CCDC178: variants seen among roughly 807,000 people sequenced by gnomAD.
The protein encoded by CCDC178 is coiled-coil domain containing 178.
CCDC178 carries 126 observed loss-of-function variants against 117.4 expected under a neutral mutation model. The ratio of observed to expected loss-of-function variants is 1.07; its 90% confidence interval spans 0.93 to 1.24. The LOEUF is 1.24. CCDC178 is among the 50% of genes most tolerant of loss of function. The pLI is 0.00. For synonymous variants in CCDC178, 283 were observed against 313.4 expected, an observed-to-expected ratio of 0.90 and a Z score of 1.02; for missense variants, 1,030 against 986.9, an observed-to-expected ratio of 1.04 and a Z score of -0.59.
At chr18:33,065,702 A>C (rs2057001402) in intron 21 of CCDC178, among the ~76,000 whole-genome samples, 1 of 152,202 alleles carries the variant, frequency 6.6e-6, no homozygotes, top group Non-Finnish European at 1.5e-5. Flanking sequence ...AAAAGCAGCA[A>C]GTTACACATA....
chr18:32,996,187 C>T (rs1182306666), intron 21 of CCDC178, among the ~76,000 whole-genome samples: 3 of 151,564 alleles, frequency 2.0e-5, no homozygotes, highest in African/African-American at 7.3e-5. Context: ...ATATAAAATC[C>T]TGAGAACAGC....
At chr18:32,964,793 T>C (rs4584905) in intron 22 of CCDC178, among the ~76,000 whole-genome samples, 145,037 of 152,038 alleles carry the variant, frequency 0.95, 69,339 homozygotes, top group Non-Finnish European at 0.99. Flanking sequence ...AAATATCCCA[T>C]AGAAAGAGAG....
At chr18:33,169,169 A>C (rs2058568385) in intron 20 of CCDC178, among the ~76,000 whole-genome samples, 1 of 152,234 alleles carries the variant, frequency 6.6e-6, no homozygotes, top group Non-Finnish European at 1.5e-5. Flanking sequence ...TTAGTTATTC[A>C]AGTTTCTTTC....
intron 2 of CCDC178, among the ~76,000 whole-genome samples, chr18:33,438,652 C>A (rs2064327535): frequency 1.3e-5 from 2 of 151,916 alleles, no homozygotes; most frequent in South Asian, 2.1e-4. Context: ...TGTAGATGTA[C>A]TAATTTTCCA....
chr18:33,086,089 G>A (rs439946), intron 21 of CCDC178, among the ~76,000 whole-genome samples: 21,597 of 151,694 alleles, frequency 0.14, 2,386 homozygotes, highest in African/African-American at 0.31. Flanking sequence ...CATAAAAGGT[G>A]TATACAAAAA....
At chr18:33,295,687 T>G (rs1166203163) in intron 11 of CCDC178, among the ~76,000 whole-genome samples, 2 of 152,118 alleles carry the variant, frequency 1.3e-5, no homozygotes, top group Admixed American at 1.3e-4. Context: ...CATGAAAAGA[T>G]GTACATCACA....
At chr18:32,970,072 T>C (rs956389161) in intron 22 of CCDC178, among the ~76,000 whole-genome samples, 1 of 152,032 alleles carries the variant, frequency 6.6e-6, no homozygotes, top group Non-Finnish European at 1.5e-5. Context: ...AAGTTTATAG[T>C]AGCTCACTTT....
chr18:33,268,228 T>C (rs1257941466), intron 12 of CCDC178, among the ~76,000 whole-genome samples: 2 of 151,830 alleles, frequency 1.3e-5, no homozygotes, highest in African/African-American at 2.4e-5. Flanking sequence ...TGCTACCAGA[T>C]ACTAAAACAT....
intron 11 of CCDC178, among the ~76,000 whole-genome samples, chr18:33,309,399 CTAGA>C (rs1251846523): frequency 1.3e-4 from 20 of 152,088 alleles, no homozygotes; most frequent in African/African-American, 3.9e-4. Flanking sequence ...CAGAAGTACT[CTAGA>C]TAAACTATTA....
At chr18:33,080,563 C>T (rs1456101673) in intron 21 of CCDC178, among the ~76,000 whole-genome samples, 1 of 152,092 alleles carries the variant, frequency 6.6e-6, no homozygotes, top group Non-Finnish European at 1.5e-5. Flanking sequence ...AAGAATCAAT[C>T]CTGTTGACAC....
chr18:33,328,625 A>G (rs1478040260), intron 10 of CCDC178, among the ~76,000 whole-genome samples: 4 of 152,104 alleles, frequency 2.6e-5, no homozygotes, highest in Non-Finnish European at 5.9e-5. Context: ...CCGTAGATGT[A>G]TATGTTTATT....
intron 20 of CCDC178, among the ~76,000 whole-genome samples, chr18:33,156,480 T>C (rs1158996131): frequency 6.6e-6 from 1 of 151,518 alleles, no homozygotes; most frequent in East Asian, 1.9e-4. Context: ...ATAATAGGCA[T>C]TGTAAAAGGA....
Position 33,069,396 on chromosome 18 carries a change from T to C in CCDC178, c.2388+23365A>G, listed in dbSNP as rs1006318634. On this transcript the variant is annotated intron_variant, in intron 21 of 22. Coordinates refer to ENST00000383096, the MANE Select transcript of CCDC178 (RefSeq NM_001105528.4). ...TTCACATATTTATAGCCAACTGTTC[T>C]TTCAAAGTTGCCAGTAACATATAGT... Among the ~76,000 whole-genome samples, 5 of 152,090 alleles carry C rather than the reference T, an allele frequency of 3.3e-5. No homozygotes were observed. In the South Asian group the frequency reaches 1.0e-3, roughly 32 times the overall value.
intron 20 of CCDC178, among the ~76,000 whole-genome samples, chr18:33,185,079 T>C (rs1320978822): frequency 6.6e-6 from 1 of 151,990 alleles, no homozygotes; most frequent in Non-Finnish European, 1.5e-5. Context: ...CCATCTAATA[T>C]CTTTCAGGTG....
At chr18:33,193,141 T>C (rs1032751794) in intron 20 of CCDC178, among the ~76,000 whole-genome samples, 6 of 150,112 alleles carry the variant, frequency 4.0e-5, no homozygotes, top group African/African-American at 1.5e-4. Flanking sequence ...CAGGCGCCTG[T>C]AGTCGCAGCT....
chr18:33,394,744 C>T (rs902635334), intron 4 of CCDC178, among the ~76,000 whole-genome samples: 4 of 150,206 alleles, frequency 2.7e-5, no homozygotes, highest in African/African-American at 9.8e-5. Context: ...ACATTATCTC[C>T]CAAATTTGAG....
intron 22 of CCDC178, among the ~76,000 whole-genome samples, chr18:32,967,933 C>A (rs1351786605): frequency 6.6e-6 from 1 of 150,904 alleles, no homozygotes; most frequent in Non-Finnish European, 1.5e-5. Context: ...ATTTCAATAC[C>A]TGCATACACT....
In CCDC178 at chr18:33,179,078, A is replaced by AATATATAT. The variant is rs1555656270; in HGVS notation, c.2238+32810_2238+32817dup. On this transcript the variant is annotated intron_variant, in intron 20 of 22. Transcript: ENST00000383096. ...ACTCAGTAAAAAAAAAAAAAAAAAA[A>AATATATAT]ATATATATATATATATATATATATA... Among the ~76,000 whole-genome samples, 127 of 55,794 alleles carry AATATATAT rather than the reference A, an allele frequency of 2.3e-3. 4 individuals are homozygous for AATATATAT. Among genetic ancestry groups the AATATATAT allele is most frequent in the African/African-American group, 0.011 (94 of 8,828 alleles). The allele number at this position is 55,794 out of a possible 152,430, so 36.6% of individuals were successfully genotyped here.
chr18:33,328,233 G>T, intron 10 of CCDC178: 1 of 249,812 alleles, frequency 4.0e-6, no homozygotes, highest in Non-Finnish European at 7.7e-6. Context: ...CTTCTGGGTA[G>T]CTGGGACTAC....
Sources: allele counts gnomAD v4.1 joint callset (sites outside exome capture counted in the v4.1 genomes callset), GRCh38; gene constraint gnomAD v4.1.1; transcripts MANE v1.5; gene names NCBI Gene and HGNC (gene_info 2026-07-23, HGNC 2026-07-21).